Variants in CDKL5 observed in about 807,000 individuals in gnomAD.
CDKL5 encodes the protein cyclin dependent kinase like 5.
A neutral mutation model predicts 61.7 loss-of-function variants in CDKL5; 8 were observed. The ratio of observed to expected loss-of-function variants is 0.13; its 90% CI spans 0.08 to 0.23. The LOEUF is 0.23. CDKL5 is among the 10% of genes least tolerant of loss of function. The pLI is 1.00. For synonymous variants in CDKL5, 275 were observed against 272.3 expected, an observed-to-expected ratio of 1.01 and a Z score of -0.10; for missense variants, 440 against 734.5, an observed-to-expected ratio of 0.60 and a Z score of 4.63.
At chrX:18,645,131 C>A (rs759886997), downstream of CDKL5, among the ~76,000 whole-genome samples, 95 of 112,611 alleles carry the variant, frequency 8.4e-4, 1 homozygote, top group Non-Finnish European at 1.6e-3. Context: ...GCCAGATAAC[C>A]GTTGAAGCAA....
At chrX:18,543,377 A>G (rs1924090154) in intron 3 of CDKL5, among the ~76,000 whole-genome samples, 1 of 110,024 alleles carries the variant, frequency 9.1e-6, no homozygotes, top group Non-Finnish European at 1.9e-5. Flanking sequence ...GGAGACAATA[A>G]GGAAACCCAG....
intron 3 of CDKL5, among the ~76,000 whole-genome samples, chrX:18,519,204 A>G (rs1377467888): frequency 1.8e-5 from 2 of 112,150 alleles, no homozygotes; most frequent in Non-Finnish European, 3.8e-5. Flanking sequence ...TTATAAATAA[A>G]GTTTTGTTGG....
In CDKL5 at chrX:18,650,533, T is replaced by C. The variant is rs2147197846; in HGVS notation, c.2921T>C (p.Met974Thr). The C allele has an allele frequency of 3.3e-6, 4 of 1,211,696 alleles. No individual in the cohort carries two copies. The highest frequency in any genetic ancestry group is 3.0e-5 in the East Asian group (1 of 33,851). ...GTACTCCAGGTCCGAGGCACTTCCA[T>C]GTGCCCGACACTCCAGGTCCGAGGC... The change falls in exon 21 of 22, where the codon ATG (methionine) becomes ACG (threonine). Residue 974 changes from methionine to threonine, a missense_variant. Transcript: ENST00000379989.
chrX:18,488,804 A>G (rs966406804), intron 1 of CDKL5, among the ~76,000 whole-genome samples: 3 of 111,597 alleles, frequency 2.7e-5, no homozygotes, highest in Non-Finnish European at 5.6e-5. Context: ...TAGGAAAGAC[A>G]TGCCTCATTA....
At chrX:18,436,113 A>G (rs1437142780) in intron 1 of CDKL5, among the ~76,000 whole-genome samples, 1 of 112,018 alleles carries the variant, frequency 8.9e-6, no homozygotes, top group Non-Finnish European at 1.9e-5. Flanking sequence ...CCTACAGTAA[A>G]GTAAGCCAGA....
chrX:18,526,787 C>CT (rs751799416), intron 3 of CDKL5, among the ~76,000 whole-genome samples: 360 of 101,791 alleles, frequency 3.5e-3, no homozygotes, highest in Non-Finnish European at 5.2e-3. Context: ...GCCTTTCTTT[C>CT]TTTTTTTTTT....
chrX:18,470,674 A>G (rs1449662273), intron 1 of CDKL5, among the ~76,000 whole-genome samples: 4 of 111,678 alleles, frequency 3.6e-5, no homozygotes, highest in African/African-American at 1.3e-4. Context: ...AAAAGGAAAG[A>G]CCTGAAAAAA....
chrX:18,607,850 A>G lies in CDKL5; in HGVS notation c.1945-961A>G, dbSNP rs753903267. Among the ~76,000 whole-genome samples the G allele has an allele frequency of 6.2e-5, 7 of 112,289 alleles. No homozygotes were observed. The South Asian group carries it at 2.6e-3, about 42-fold the overall frequency. ...GTCAAATGAGACATTTTCATAAAAT[A>G]GAAAGAAGGAAGGCTATGTTGGATG... On this transcript the variant is annotated intron_variant, in intron 12 of 17. Coordinates refer to ENST00000623535, the MANE Select transcript of CDKL5 (RefSeq NM_001323289.2).
At position 18,506,923 on chromosome X, in the gene CDKL5, T is replaced by C. The variant is rs1195400710; in HGVS notation, c.-162-12T>C. 4.6e-6 allele frequency: 2 copies of C among 437,277 alleles called. No homozygotes were observed. The highest frequency in any genetic ancestry group is 4.9e-5 in the African/African-American group (2 of 40,658). 36.0% of individuals were successfully genotyped at this position (437,277 alleles called of 1,213,427 possible). A position where few individuals can be genotyped will look rare whatever the true frequency, so the allele number is the denominator to read the frequency against. ...AAAACTTACAGCTTTTAATTGTGTTTGTTTTTTTCAGGGAGTCATTTAATA... is the reference window on the plus strand; with the variant it reads ...AAAACTTACAGCTTTTAATTGTGTTCGTTTTTTTCAGGGAGTCATTTAATA... On this transcript the variant is annotated splice_polypyrimidine_tract_variant and intron_variant, in intron 1 of 17. Transcript: ENST00000623535.
rs746036179 is a variant in CDKL5, at chrX:18,507,113, T to C, written c.17T>C (p.Ile6Thr). 7 of 1,200,875 alleles carry C rather than the reference T, an allele frequency of 5.8e-6. No homozygotes were observed. In the South Asian group the frequency reaches 1.1e-4, roughly 18 times the overall value. The change falls in exon 2 of 18, where the codon ATT becomes ACT. Residue 6 changes from isoleucine to threonine, a missense_variant. Coordinates refer to ENST00000623535, the MANE Select transcript of CDKL5 (RefSeq NM_001323289.2). ...TTTGTCTTCATGAAGATTCCTAACATTGGTAATGTGATGAATAAATTTGAG... is the reference window on the plus strand; with the variant it reads ...TTTGTCTTCATGAAGATTCCTAACACTGGTAATGTGATGAATAAATTTGAG... Reference protein sequence around the residue: MKIPNIGNVMNKFEIL... With the variant: MKIPNTGNVMNKFEIL...
intron 1 of CDKL5, among the ~76,000 whole-genome samples, chrX:18,454,702 G>A (rs1266069359): frequency 1.9e-5 from 2 of 107,853 alleles, no homozygotes; most frequent in Admixed American, 2.0e-4. Context: ...GATTATAGGC[G>A]CACACTACCA....
intron 3 of CDKL5, among the ~76,000 whole-genome samples, chrX:18,554,697 T>G (rs1013025202): frequency 9.0e-6 from 1 of 111,502 alleles, no homozygotes; most frequent in African/African-American, 3.3e-5. Context: ...ATTACAGGCA[T>G]GAGCCACTGC....
intron 1 of CDKL5, among the ~76,000 whole-genome samples, chrX:18,437,850 TAA>T (rs1569182614): frequency 8.9e-6 from 1 of 112,220 alleles, no homozygotes; most frequent in African/African-American, 3.2e-5. Flanking sequence ...TTTGCCATAC[TAA>T]GTTTGTGATT....
At chrX:18,482,492 C>G in intron 1 of CDKL5, among the ~76,000 whole-genome samples, 1 of 111,434 alleles carries the variant, frequency 9.0e-6, no homozygotes, top group Admixed American at 9.6e-5. Context: ...AGACTACTTC[C>G]ATTTATAGTC....
chrX:18,510,081 C>T (rs1922771618), intron 2 of CDKL5, among the ~76,000 whole-genome samples: 1 of 109,541 alleles, frequency 9.1e-6, no homozygotes, highest in Admixed American at 9.8e-5. Flanking sequence ...TCTTCTAGAA[C>T]AGATAATGTA....
intron 4 of CDKL5, among the ~76,000 whole-genome samples, chrX:18,569,861 A>G (rs987618999): frequency 1.8e-5 from 2 of 110,747 alleles, no homozygotes; most frequent in African/African-American, 6.6e-5. Context: ...GGAGCTATAC[A>G]CTAGTCTACA....
chrX:18,631,679 C>T lies in CDKL5; in HGVS notation c.*2922C>T. 1 of 752,276 alleles carries T rather than the reference C, an allele frequency of 1.3e-6. No individual in the cohort carries two copies. 62.0% of individuals were successfully genotyped at this position (752,276 alleles called of 1,213,427 possible). ...GCTTATGTTACTTTTATGAAAGTATCACTGATCTCCTTTGGAAAAGAAACT... is the reference window on the plus strand; with the variant it reads ...GCTTATGTTACTTTTATGAAAGTATTACTGATCTCCTTTGGAAAAGAAACT... On this transcript the variant is annotated 3_prime_UTR_variant, in exon 18 of 18. Transcript: ENST00000623535.
At chrX:18,593,112 A>G (rs941901989) in intron 9 of CDKL5, among the ~76,000 whole-genome samples, 3 of 112,319 alleles carry the variant, frequency 2.7e-5, no homozygotes, top group Non-Finnish European at 5.6e-5. Context: ...TAAAATGTCT[A>G]GACCAGAACC....
chrX:18,648,389 A>G (rs1395808293), intron 20 of CDKL5, among the ~76,000 whole-genome samples: 1 of 110,143 alleles, frequency 9.1e-6, no homozygotes, highest in Non-Finnish European at 1.9e-5. Context: ...CCACAGGTGC[A>G]CACCACCACA....
Sources: allele counts gnomAD v4.1 joint callset (sites outside exome capture counted in the v4.1 genomes callset), GRCh38; gene constraint gnomAD v4.1.1; transcripts MANE v1.5; gene names NCBI Gene and HGNC (gene_info 2026-07-23, HGNC 2026-07-21).